The following HIF3A variants were observed in gnomAD, a reference collection of about 807,000 sequenced individuals.
The protein encoded by HIF3A is hypoxia-inducible factor 3-alpha.
HIF3A carries 41 observed loss-of-function variants against 67.2 expected under a neutral mutation model. That is an observed-to-expected ratio of 0.61 (90% CI 0.48 to 0.79). The LOEUF (loss-of-function observed/expected upper bound fraction) is 0.79. Ranked by LOEUF, HIF3A falls within the 30% of genes least tolerant of loss-of-function variation. The pLI is 0.00. For missense variants in HIF3A, 855 were observed against 898.0 expected, an observed-to-expected ratio of 0.95 and a Z score of 0.61; for synonymous variants, 356 against 374.8, an observed-to-expected ratio of 0.95 and a Z score of 0.58.
At chr19:46,302,451 G>A (rs1017625901) in intron 1 of HIF3A, among the ~76,000 whole-genome samples, 1 of 152,210 alleles carries the variant, frequency 6.6e-6, no homozygotes. Flanking sequence ...TTTTTTTAGA[G>A]ACGGAGCCTT....
chr19:46,298,237 T>C (rs1305182285), intron 1 of HIF3A: 2 of 357,138 alleles, frequency 5.6e-6, no homozygotes, highest in Non-Finnish European at 1.1e-5. Flanking sequence ...TCCCCTACTC[T>C]ATTCCAGGCC....
chr19:46,339,778 C>T lies in HIF3A; in HGVS notation c.*156C>T, dbSNP rs1971869461. ...ACCTCGGGCCTACCTCAGCCCTCAC[C>T]CCTCTGCCTGCTCCCAATCTGGGGG... is the stretch of plus-strand genomic sequence containing the variant. On this transcript the variant is annotated 3_prime_UTR_variant, in exon 15 of 15. Coordinates refer to ENST00000377670, the MANE Select transcript of HIF3A (RefSeq NM_152795.4). 2.2e-6 allele frequency: 1 copy of T among 459,950 alleles called. No homozygotes were observed. Among genetic ancestry groups the T allele is most frequent in the Non-Finnish European group, 3.8e-6 (1 of 261,736 alleles). 28.5% of individuals were successfully genotyped at this position (459,950 alleles called of 1,614,324 possible).
chr19:46,319,868 T>TC (rs1382931196), intron 8 of HIF3A, among the ~76,000 whole-genome samples: 4 of 152,278 alleles, frequency 2.6e-5, no homozygotes, highest in Non-Finnish European at 4.4e-5. Context: ...AAATGCCAGC[T>TC]CTTTTTTCTG....
At chr19:46,312,893 T>C in intron 8 of HIF3A, 1 of 804,074 alleles carries the variant, frequency 1.2e-6, no homozygotes, top group Non-Finnish European at 1.6e-6. Context: ...TTTTTTTTTT[T>C]TTTTTTTTTT....
Position 46,320,511 on chromosome 19 carries a change from A to T in HIF3A, c.1094A>T (p.Gln365Leu). Residue 365 changes from glutamine (Q) to leucine (L), a missense_variant, in exon 9 of 15, where the codon CAG becomes CTG. Coordinates refer to ENST00000377670, the MANE Select transcript of HIF3A (RefSeq NM_152795.4). ...GAGCAACACTCTCGCAGACCCATTCAGCGGGGCGCCCCCTCTCAGAAGGAC... is the reference window on the plus strand; with the variant it reads ...GAGCAACACTCTCGCAGACCCATTCTGCGGGGCGCCCCCTCTCAGAAGGAC... ...QTEQHSRRPI[Q>L]RGAPSQKDTP... The T allele has an allele frequency of 6.2e-7, 1 of 1,614,148 alleles. No homozygotes were observed. Among genetic ancestry groups the T allele is most frequent in the Admixed American group, 1.7e-5 (1 of 60,016 alleles).
chr19:46,298,412 C>A, intron 1 of HIF3A: 1 of 1,288,602 alleles, frequency 7.8e-7, no homozygotes. Context: ...GTCATCTCAC[C>A]GCCGTGCGCA....
intron 12 of HIF3A, 148 bp from the exon 13 acceptor site, chr19:46,331,008 G>GTGGA (rs1326988031): frequency 1.9e-6 from 1 of 522,032 alleles, no homozygotes; most frequent in African/African-American, 1.9e-5. Flanking sequence ...AGATGGATTG[G>GTGGA]TGGATGGATG....
chr19:46,308,692 A>G lies in HIF3A; in HGVS notation c.478A>G (p.Thr160Ala). ...TLSRRKVEAP[T>A]ERCFSLRMKS... Reference sequence around the variant, plus strand: ...GTCCAGGAGGAAGGTGGAGGCCCCCACGGAGCGGTGCTTCTCCTTGCGCAT... The same window carrying G: ...GTCCAGGAGGAAGGTGGAGGCCCCCGCGGAGCGGTGCTTCTCCTTGCGCAT... The change falls in exon 5 of 15, where the codon ACG becomes GCG. Residue 160 changes from threonine to alanine, a missense_variant. By Grantham distance (58) the Thr-to-Ala change is moderately conservative (BLOSUM62 0). Around this residue, in one of 3 missense-constraint regions of HIF3A, gnomAD observed 638 missense variants for 660.5 expected, o/e 0.97. Transcript: ENST00000377670. The G allele has an allele frequency of 6.2e-7, 1 of 1,609,366 alleles. No individual in the cohort carries two copies. The highest frequency in any genetic ancestry group is 8.5e-7 in the Non-Finnish European group (1 of 1,178,248).
At chr19:46,312,778 G>A (rs1312616058) in intron 8 of HIF3A, 125 bp downstream of exon 8, 3 of 1,449,028 alleles carry the variant, frequency 2.1e-6, no homozygotes, top group Non-Finnish European at 2.7e-6. Context: ...GTGTATGTGA[G>A]GGAGTGTGCA....
At position 46,334,971 on chromosome 19, in the gene HIF3A, C is replaced by G; in HGVS notation, c.1897C>G (p.Leu633Val). 1.2e-6 allele frequency: 2 copies of G among 1,605,910 alleles called. No individual in the cohort carries two copies. The highest frequency in any genetic ancestry group is 2.3e-5 in the South Asian group (2 of 88,786). ...LQDPSTPLLN[L>V]NEPLGLGPSL... is the part of the protein sequence containing the mutation. ...GGACCCCAGCACCCCACTCCTGAAC[C>G]TGAATGAGCCCCTGGGTGAGTAGCA... The change falls in exon 14 of 15, where the codon CTG (leucine) becomes GTG (valine). Residue 633 changes from leucine to valine, a missense_variant. By Grantham distance (32) the Leu-to-Val change is conservative. Around this residue, in one of 3 missense-constraint regions of HIF3A, gnomAD observed 199 missense variants for 193.8 expected, o/e 1.03. Coordinates refer to ENST00000377670, the MANE Select transcript of HIF3A (RefSeq NM_152795.4).
At chr19:46,305,937 G>C (rs1023936284) in intron 3 of HIF3A, among the ~76,000 whole-genome samples, 1 of 152,160 alleles carries the variant, frequency 6.6e-6, no homozygotes, top group Admixed American at 6.5e-5. Context: ...AAATTTGCCA[G>C]ATGTTGTGGC....
intron 1 of HIF3A, among the ~76,000 whole-genome samples, chr19:46,300,386 C>T (rs558491006): frequency 3.3e-5 from 5 of 152,248 alleles, no homozygotes; most frequent in African/African-American, 7.2e-5. Flanking sequence ...CTTGGCCGGG[C>T]GCGGTGGCTC....
rs1301446000 is a variant in HIF3A at position 46,309,365 on chromosome 19, C to T, written c.770+6C>T. On this transcript the variant is annotated splice_donor_region_variant and intron_variant, in intron 6 of 14. Transcript: ENST00000377670. ...TTCACCTACTGTGACGACAGGTGGG[C>T]AGGGGCCCCCTCTTCCGTCTGCCCA... 1 of 1,590,904 alleles carries T rather than the reference C, an allele frequency of 6.3e-7. No individual in the cohort carries two copies. The highest frequency in any genetic ancestry group is 1.1e-5 in the South Asian group (1 of 88,070).
At chr19:46,337,907 G>T (rs554665405) in intron 14 of HIF3A, among the ~76,000 whole-genome samples, 102 of 152,308 alleles carry the variant, frequency 6.7e-4, no homozygotes, top group African/African-American at 2.2e-3. Flanking sequence ...AGACCTTCAA[G>T]GGCAGGGGCC....
In HIF3A at chr19:46,303,889, T is replaced by C. The variant is rs770846110; in HGVS notation, c.27-9T>C. On this transcript the variant is annotated splice_polypyrimidine_tract_variant and intron_variant, in intron 1 of 14. Transcript: ENST00000377670. ...AGTCACCACCAGTGAATGCTGCCCA[T>C]GCCCTCAGGTCGACCACGGAGCTGC... The C allele has an allele frequency of 4.4e-6, 7 of 1,606,372 alleles. No individual in the cohort carries two copies. The Admixed American group carries it at 5.1e-5, about 12-fold the overall frequency.
chr19:46,305,468 G>A lies in HIF3A; in HGVS notation c.363+78G>A, dbSNP rs1968760652. On this transcript the variant is annotated intron_variant, in intron 3 of 14. Coordinates refer to ENST00000377670, the MANE Select transcript of HIF3A (RefSeq NM_152795.4). ...TACAGTGGTGACCAGGACAGCCATA[G>A]CCCTACCTTTATGGGACTCACAATA... 34 of 1,393,984 alleles carry A rather than the reference G, an allele frequency of 2.4e-5. No homozygotes were observed. In the South Asian group the frequency reaches 4.1e-4, roughly 17 times the overall value. The allele number at this position is 1,393,984 out of a possible 1,614,324, so 86.4% of individuals were successfully genotyped here. A position where few individuals can be genotyped will look rare whatever the true frequency, so the allele number is the denominator to read the frequency against.
intron 14 of HIF3A, 135 bp downstream of exon 14, chr19:46,335,121 G>A: frequency 1.6e-6 from 1 of 609,014 alleles, no homozygotes; most frequent in East Asian, 2.9e-5. Flanking sequence ...GGCAGCTCCT[G>A]TCTCTTCTCT....
At chr19:46,298,209 C>CCCCCCTCCTCT in intron 1 of HIF3A, 2 of 334,540 alleles carry the variant, frequency 6.0e-6, no homozygotes, top group Non-Finnish European at 1.2e-5. Context: ...TTTCTAACCG[C>CCCCCCTCCTCT]CCCCATCCTC....
intron 13 of HIF3A, among the ~76,000 whole-genome samples, chr19:46,332,443 G>A (rs892203745): frequency 6.6e-6 from 1 of 152,160 alleles, no homozygotes; most frequent in African/African-American, 2.4e-5. Context: ...AGGAGGCTGC[G>A]GTGAAAGCAT....
Sources: gnomAD v4.1 joint callset for allele counts (sites outside exome capture counted in the v4.1 genomes callset) on GRCh38, gnomAD v4.1.1 for gene constraint, gnomAD v4.1.1 regional missense constraint, MANE v1.5 for transcripts, NCBI Gene and HGNC (gene_info 2026-07-23, HGNC 2026-07-21) for gene names.